The following USP12 variants were observed in gnomAD, a reference collection of about 807,000 sequenced individuals.
USP12 encodes the protein ubiquitin carboxyl-terminal hydrolase 12.
USP12 carries 19 observed loss-of-function variants against 45.5 expected under a neutral mutation model. The ratio of observed to expected loss-of-function variants is 0.42; its 90% CI spans 0.29 to 0.61. The LOEUF is 0.61. Ranked by LOEUF, USP12 falls within the 20% of genes least tolerant of loss-of-function variation. USP12 has a pLI of 0.22. For missense variants in USP12, 242 were observed against 447.7 expected (o/e 0.54, Z 4.15); for synonymous variants, 149 against 148.8 (o/e 1.00, Z -0.01).
At chr13:27,169,607 C>CATGT (rs1878494090) in intron 1 of USP12, among the ~76,000 whole-genome samples, 1 of 152,168 alleles carries the variant, frequency 6.6e-6, no homozygotes, top group South Asian at 2.1e-4. Context: ...ACACGCCCCA[C>CATGT]ATGTAATTAA....
intron 1 of USP12, among the ~76,000 whole-genome samples, chr13:27,157,527 C>T (rs1340163964): frequency 6.6e-6 from 1 of 151,814 alleles, no homozygotes; most frequent in East Asian, 1.9e-4. Context: ...ATATACATGC[C>T]TTTTTTTAAA....
rs115647589 is a variant in USP12 at position 27,090,344 on chromosome 13, T to C, written c.574-186A>G. ...CTGAATAAATAACCCCTACCAGATG[T>C]ATAAATAAAACACCAAAGTACACTT... On this transcript the variant is annotated intron_variant, in intron 4 of 8. Transcript: ENST00000282344. Among the ~76,000 whole-genome samples, 468 of 152,320 alleles carry C rather than the reference T, an allele frequency of 3.1e-3. 3 individuals are homozygous for C. The highest frequency in any genetic ancestry group is 0.011 in the African/African-American group (440 of 41,586).
At chr13:27,083,225 A>G (rs1198887071) in intron 6 of USP12, among the ~76,000 whole-genome samples, 3 of 152,218 alleles carry the variant, frequency 2.0e-5, no homozygotes, top group Non-Finnish European at 4.4e-5. Flanking sequence ...TATCACCGTA[A>G]CAATATAATA....
rs918028052 is a variant in USP12 at position 27,136,847 on chromosome 13, C to A, written c.49-20251G>T. Among the ~76,000 whole-genome samples the A allele has an allele frequency of 3.3e-5, 5 of 151,986 alleles. No homozygotes were observed. The South Asian group carries it at 1.0e-3, about 32-fold the overall frequency. On this transcript the variant is annotated intron_variant, in intron 1 of 8. Coordinates refer to ENST00000282344, the MANE Select transcript of USP12 (RefSeq NM_182488.4). ...GTAATAAAATGATATTTGGGATTTG[C>A]CCCTAAAGAATCTGGGAAGGTTTAA...
chr13:27,150,776 C>T (rs1295300367), intron 1 of USP12, among the ~76,000 whole-genome samples: 1 of 152,146 alleles, frequency 6.6e-6, no homozygotes, highest in African/African-American at 2.4e-5. Context: ...AACTGGTTTT[C>T]AACAAGAGTG....
At chr13:27,084,593 TA>T (rs1184020958) in intron 6 of USP12, among the ~76,000 whole-genome samples, 1 of 152,156 alleles carries the variant, frequency 6.6e-6, no homozygotes, top group Non-Finnish European at 1.5e-5. Context: ...GGTTCAACTT[TA>T]TTCTTTTTCG....
chr13:27,168,856 G>A (rs888903736), intron 1 of USP12: 7 of 152,162 alleles, frequency 4.6e-5, no homozygotes, highest in Admixed American at 3.3e-4. Context: ...GCCCAGGTAC[G>A]TTATTTTGAC....
At chr13:27,107,280 G>A (rs774596624) in intron 2 of USP12, among the ~76,000 whole-genome samples, 3 of 152,124 alleles carry the variant, frequency 2.0e-5, no homozygotes, top group African/African-American at 7.2e-5. Flanking sequence ...AGCCAAGATC[G>A]CACCACTGCA....
rs115492738 is a variant in USP12 at position 27,100,172 on chromosome 13, T to C, written c.344-4342A>G. Among the ~76,000 whole-genome samples the C allele has an allele frequency of 6.1e-3, 929 of 152,308 alleles. 8 individuals carry two copies. Among genetic ancestry groups the C allele is most frequent in the African/African-American group, 0.021 (889 of 41,564 alleles). On this transcript the variant is annotated intron_variant, in intron 3 of 8. Transcript: ENST00000282344. ...GGAAAAGTCTAGACCACAGCTAAGC[T>C]AACTGAAGCAAATTATCTAACCTTG...
At chr13:27,099,792 C>T (rs977193425) in intron 3 of USP12, among the ~76,000 whole-genome samples, 1 of 152,128 alleles carries the variant, frequency 6.6e-6, no homozygotes, top group Non-Finnish European at 1.5e-5. Context: ...CAACTGAAGC[C>T]ACAGTTCACT....
At chr13:27,148,112 G>A (rs1315869442) in intron 1 of USP12, among the ~76,000 whole-genome samples, 1 of 145,948 alleles carries the variant, frequency 6.9e-6, no homozygotes, top group Non-Finnish European at 1.5e-5. Context: ...CTGGGCAACA[G>A]AGCGAGACCT....
intron 6 of USP12, among the ~76,000 whole-genome samples, chr13:27,080,510 A>G (rs1873700822): frequency 6.6e-6 from 1 of 152,204 alleles, no homozygotes; most frequent in Non-Finnish European, 1.5e-5. Context: ...ATCTTCTTCA[A>G]TACCTGGTAA....
At chr13:27,069,667 G>T (rs554807855) in intron 8 of USP12, among the ~76,000 whole-genome samples, 2 of 152,290 alleles carry the variant, frequency 1.3e-5, no homozygotes, top group Admixed American at 1.3e-4. Context: ...TAACTTCTAG[G>T]CTGGGCACAC....
intron 8 of USP12, 28 bp from the exon 9 acceptor site, chr13:27,069,412 C>G (rs977652219): frequency 7.3e-6 from 11 of 1,502,746 alleles, no homozygotes; most frequent in African/African-American, 1.4e-5. Flanking sequence ...AACATTAGTA[C>G]ATAAATGAGC....
intron 1 of USP12, among the ~76,000 whole-genome samples, chr13:27,140,686 T>A (rs1431375569): frequency 6.6e-6 from 1 of 152,200 alleles, no homozygotes; most frequent in Non-Finnish European, 1.5e-5. Flanking sequence ...GAGCAGAAAT[T>A]TGATTAATGC....
chr13:27,073,570 A>C (rs181464763), intron 7 of USP12, among the ~76,000 whole-genome samples: 1 of 152,336 alleles, frequency 6.6e-6, no homozygotes, highest in East Asian at 1.9e-4. Context: ...CAGGCATCTC[A>C]GCTCAGTATA....
rs1230667783 is a variant in USP12 at position 27,067,844 on chromosome 13, GCTA to G, written c.*1436_*1438del. The G allele has an allele frequency of 1.3e-5, 2 of 152,024 alleles. No individual in the cohort carries two copies. Among genetic ancestry groups the G allele is most frequent in the Non-Finnish European group, 2.9e-5 (2 of 68,012 alleles). 9.4% of individuals were successfully genotyped at this position (152,024 alleles called of 1,614,324 possible). On this transcript the variant is annotated 3_prime_UTR_variant, in exon 9 of 9. Coordinates refer to ENST00000282344, the MANE Select transcript of USP12 (RefSeq NM_182488.4). The stretch of plus-strand genomic sequence containing the variant: ...AATAATTTTCTGCAAGTTACATTTG[GCTA>G]CTGTCAGACAACTTACTGATGCATG...
At chr13:27,160,960 C>G (rs1028889046) in intron 1 of USP12, among the ~76,000 whole-genome samples, 7 of 152,064 alleles carry the variant, frequency 4.6e-5, no homozygotes, top group Non-Finnish European at 8.8e-5. Flanking sequence ...CCATCCTCCC[C>G]ACAGGCCCCA....
intron 1 of USP12, among the ~76,000 whole-genome samples, chr13:27,119,129 T>C (rs1373291738): frequency 2.0e-5 from 3 of 152,218 alleles, no homozygotes; most frequent in African/African-American, 7.2e-5. Context: ...GTCCTCTTCT[T>C]ACCCTTCCCT....
Sources: gnomAD v4.1 joint callset for allele counts (sites outside exome capture counted in the v4.1 genomes callset) on GRCh38, gnomAD v4.1.1 for gene constraint, MANE v1.5 for transcripts, NCBI Gene and HGNC (gene_info 2026-07-23, HGNC 2026-07-21) for gene names.